FAM222B: variants seen among roughly 807,000 people sequenced by gnomAD.
FAM222B encodes protein FAM222B.
Under a neutral mutation model 38.0 loss-of-function variants are expected in FAM222B, and 12 were observed. The observed-to-expected ratio is 0.32, with a 90% CI of 0.20 to 0.51. FAM222B has a LOEUF of 0.51. FAM222B is among the 20% of genes least tolerant of loss of function. The pLI is 0.97. For missense variants in FAM222B, 716 were observed against 754.2 expected (o/e 0.95, Z 0.59); for synonymous variants, 329 against 317.2 (o/e 1.04, Z -0.40).
chr17:28,776,075 CAA>C (rs564594488), intron 1 of FAM222B, among the ~76,000 whole-genome samples: 8 of 81,268 alleles, frequency 9.8e-5, no homozygotes, highest in Admixed American at 1.4e-4. Flanking sequence ...GACTTTGTCT[CAA>C]AAAAAAAAAA....
At chr17:28,786,526 G>C (rs2036418975) in intron 1 of FAM222B, among the ~76,000 whole-genome samples, 1 of 152,058 alleles carries the variant, frequency 6.6e-6, no homozygotes, top group South Asian at 2.1e-4. Flanking sequence ...TTCTCTCCCT[G>C]AATGTAAGAA....
At chr17:28,778,206 T>C (rs9904845) in intron 1 of FAM222B, among the ~76,000 whole-genome samples, 150,670 of 151,880 alleles carry the variant, frequency 0.99, 74,810 homozygotes, top group Middle Eastern at 1. Flanking sequence ...AGGTTTTAAG[T>C]CCCAGATATG....
At chr17:28,794,185 C>G (rs2036832295) in intron 1 of FAM222B, among the ~76,000 whole-genome samples, 1 of 151,382 alleles carries the variant, frequency 6.6e-6, no homozygotes, top group South Asian at 2.1e-4. Flanking sequence ...ACCTGCAAAT[C>G]TAATAACAGC....
rs1156687459 is a variant in FAM222B, at chr17:28,759,973, G to C, written c.83-97C>G. 3.3e-6 allele frequency: 4 copies of C among 1,218,540 alleles called. No individual in the cohort carries two copies. The highest frequency in any genetic ancestry group is 1.5e-5 in the African/African-American group (1 of 64,824). 75.5% of individuals were successfully genotyped at this position (1,218,540 alleles called of 1,614,324 possible). A position where few individuals can be genotyped will look rare whatever the true frequency, so the allele number is the denominator to read the frequency against. ...CCAGATTCCCCTTTTGAGGGCCTGGGGTGGGGTGGGGAAATGACTAGATTG... is the reference window on the plus strand; with the variant it reads ...CCAGATTCCCCTTTTGAGGGCCTGGCGTGGGGTGGGGAAATGACTAGATTG... On this transcript the variant is annotated intron_variant, in intron 2 of 2. Transcript: ENST00000581407. This position sits in a 1 kb window ranked among gnomAD's most constrained non-coding sequence, Gnocchi z 4.8.
chr17:28,827,055 G>C (rs1442021052), intron 1 of FAM222B, among the ~76,000 whole-genome samples: 5 of 151,986 alleles, frequency 3.3e-5, no homozygotes, highest in Admixed American at 2.0e-4. Context: ...GCTGACACGA[G>C]AGGATCATTT....
intron 2 of FAM222B, among the ~76,000 whole-genome samples, chr17:28,761,084 G>T (rs979048489): frequency 6.6e-6 from 1 of 152,176 alleles, no homozygotes; most frequent in Non-Finnish European, 1.5e-5. Context: ...TTTCCAAAAA[G>T]AAAGAGGAAA....
intron 1 of FAM222B, among the ~76,000 whole-genome samples, chr17:28,839,993 C>T (rs117636485): frequency 0.011 from 1,704 of 151,948 alleles, 16 homozygotes; most frequent in Middle Eastern, 0.024. Context: ...ATTGCCAAAA[C>T]GCCTTGACAG....
chr17:28,852,362 A>G (rs911892658), intron 1 of FAM222B, among the ~76,000 whole-genome samples: 3 of 152,016 alleles, frequency 2.0e-5, no homozygotes, highest in African/African-American at 7.2e-5. Flanking sequence ...TCTCCAAAAA[A>G]AAATGTTCAG....
intron 1 of FAM222B, among the ~76,000 whole-genome samples, chr17:28,813,591 A>C (rs1377626923): frequency 6.6e-6 from 1 of 151,282 alleles, no homozygotes; most frequent in East Asian, 1.9e-4. Context: ...CAGTGGCGAG[A>C]TCTTGGCTCA....
At chr17:28,790,897 T>TC (rs2036645685) in intron 1 of FAM222B, among the ~76,000 whole-genome samples, 2 of 103,818 alleles carry the variant, frequency 1.9e-5, no homozygotes, top group African/African-American at 6.7e-5. Flanking sequence ...TTTTTTTTTT[T>TC]TTTTTTTTTT....
chr17:28,794,313 G>A (rs1273270930), intron 1 of FAM222B, among the ~76,000 whole-genome samples: 1 of 151,778 alleles, frequency 6.6e-6, no homozygotes, highest in Non-Finnish European at 1.5e-5. Flanking sequence ...CCATCTCCCG[G>A]GTTCAAGCAA....
At chr17:28,845,026 C>A (rs1033487446), upstream of FAM222B, among the ~76,000 whole-genome samples, 1 of 151,516 alleles carries the variant, frequency 6.6e-6, no homozygotes, top group Non-Finnish European at 1.5e-5. Flanking sequence ...TCGCTTGAAC[C>A]CAGGAACGGA....
At position 28,758,192 on chromosome 17, in the gene FAM222B, A is replaced by C. The variant is rs1484896265; in HGVS notation, c.*78T>G. The C allele has an allele frequency of 2.4e-6, 3 of 1,243,046 alleles. No individual in the cohort carries two copies. The highest frequency in any genetic ancestry group is 1.5e-5 in the South Asian group (1 of 67,384). The allele number at this position is 1,243,046 out of a possible 1,614,324, so 77.0% of individuals were successfully genotyped here. A position where few individuals can be genotyped will look rare whatever the true frequency, so the allele number is the denominator to read the frequency against. Reference sequence around the variant, plus strand: ...ATCACACTGGAGCAGTGAAACTTTGAAACTATCCAGTTACTTAAAAGACTA... The same window carrying C: ...ATCACACTGGAGCAGTGAAACTTTGCAACTATCCAGTTACTTAAAAGACTA... On this transcript the variant is annotated 3_prime_UTR_variant, in exon 3 of 3. Transcript: ENST00000581407.
At chr17:28,810,439 C>T (rs199821062) in intron 1 of FAM222B, among the ~76,000 whole-genome samples, 3 of 129,952 alleles carry the variant, frequency 2.3e-5, no homozygotes, top group African/African-American at 8.9e-5. Context: ...CTAGCTAACT[C>T]TGTTTTATAT....
At chr17:28,768,679 A>C (rs1350944284) in intron 1 of FAM222B, among the ~76,000 whole-genome samples, 1 of 152,032 alleles carries the variant, frequency 6.6e-6, no homozygotes, top group Non-Finnish European at 1.5e-5. Context: ...TCTACTAAAA[A>C]TACAAAATTA....
In FAM222B at chr17:28,758,534, G is replaced by T. The variant is rs1231740111; in HGVS notation, c.1425C>A (p.Phe475Leu). 2 of 1,610,680 alleles carry T rather than the reference G, an allele frequency of 1.2e-6. No individual in the cohort carries two copies. Among genetic ancestry groups the T allele is most frequent in the Non-Finnish European group, 1.7e-6 (2 of 1,179,846 alleles). Residue 475 changes from phenylalanine to leucine, a missense_variant, in exon 3 of 3, where the codon TTC becomes TTA. Coordinates refer to ENST00000581407, the MANE Select transcript of FAM222B (RefSeq NM_001077498.3). The part of the protein sequence containing the change: ...SSGSQDLAMP[F>L]HGGQPTGAPL... Reference sequence around the variant, plus strand: ...GTGCACCTGTGGGCTGCCCACCGTGGAACGGCATGGCAAGGTCCTGAGACC... The same window carrying T: ...GTGCACCTGTGGGCTGCCCACCGTGTAACGGCATGGCAAGGTCCTGAGACC...
At position 28,766,778 on chromosome 17, in the gene FAM222B, T is replaced by A. The variant is rs1310991510; in HGVS notation, c.-40-71A>T. The A allele has an allele frequency of 2.1e-5, 18 of 870,280 alleles. No individual in the cohort carries two copies. The Admixed American group carries it at 3.0e-4, about 15-fold the overall frequency. The allele number at this position is 870,280 out of a possible 1,614,324, so 53.9% of individuals were successfully genotyped here. A position where few individuals can be genotyped will look rare whatever the true frequency, so the allele number is the denominator to read the frequency against. On this transcript the variant is annotated intron_variant, in intron 1 of 2. Coordinates refer to ENST00000581407, the MANE Select transcript of FAM222B (RefSeq NM_001077498.3). Reference sequence around the variant, plus strand: ...CGAAGAAGAGAGTAGGAACACTGGATATGACTGGCGTGAGGCCCAAGTTTA... The same window carrying A: ...CGAAGAAGAGAGTAGGAACACTGGAAATGACTGGCGTGAGGCCCAAGTTTA...
intron 1 of FAM222B, among the ~76,000 whole-genome samples, chr17:28,776,646 G>A (rs2151824321): frequency 6.6e-6 from 1 of 151,360 alleles, no homozygotes; most frequent in East Asian, 2.0e-4. Flanking sequence ...TGAAGAGATG[G>A]GGTCTCACTT....
At position 28,804,339 on chromosome 17, in the gene FAM222B, A is replaced by AT. The variant is rs549519358; in HGVS notation, c.-40-37633dup. On this transcript the variant is annotated intron_variant, in intron 1 of 2. Transcript: ENST00000581407. ...GTTTCTCTGGAGAATGCTAATACAG[A>AT]TTTTTTTTTTTTTTCAGGCACAGTC... Among the ~76,000 whole-genome samples, 621 of 144,066 alleles carry AT rather than the reference A, an allele frequency of 4.3e-3. 3 individuals carry two copies. Among genetic ancestry groups the AT allele is most frequent in the African/African-American group, 0.011 (429 of 39,496 alleles). 94.5% of individuals were successfully genotyped at this position (144,066 alleles called of 152,430 possible). A position where few individuals can be genotyped will look rare whatever the true frequency, so the allele number is the denominator to read the frequency against.
Sources: gnomAD v4.1 joint callset for allele counts (sites outside exome capture counted in the v4.1 genomes callset) on GRCh38, gnomAD v4.1.1 for gene constraint, Gnocchi (gnomAD v3.1) non-coding constraint, MANE v1.5 for transcripts, NCBI Gene and HGNC (gene_info 2026-07-23, HGNC 2026-07-21) for gene names.